The following TMCO5A variants were observed in gnomAD, a reference collection of about 807,000 sequenced individuals.
TMCO5A encodes transmembrane and coiled-coil domain-containing protein 5A.
In TMCO5A, 34 loss-of-function variants were observed where a neutral mutation model predicts 42.3. The ratio of observed to expected loss-of-function variants is 0.80; its 90% CI spans 0.61 to 1.07. The LOEUF is 1.07. TMCO5A is among the 50% of genes least tolerant of loss of function. TMCO5A has a pLI of 0.00. For missense variants in TMCO5A, 357 were observed against 327.9 expected (o/e 1.09, Z -0.69); for synonymous variants, 131 against 115.6 (o/e 1.13, Z -0.86).
intron 10 of TMCO5A, among the ~76,000 whole-genome samples, chr15:37,945,452 C>T (rs949063767): frequency 1.3e-5 from 2 of 152,122 alleles, no homozygotes; most frequent in African/African-American, 2.4e-5. Flanking sequence ...AATTGCCACA[C>T]TGTCTTCCAC....
rs1293936435 is a variant in TMCO5A at position 37,934,649 on chromosome 15, T to G, written c.-148T>G. The G allele has an allele frequency of 6.6e-6, 1 of 151,882 alleles. No individual in the cohort carries two copies. The highest frequency in any genetic ancestry group is 1.5e-5 in the Non-Finnish European group (1 of 67,984). The allele number at this position is 151,882 out of a possible 1,614,324, so 9.4% of individuals were successfully genotyped here. On this transcript the variant is annotated 5_prime_UTR_variant, in exon 1 of 12. Transcript: ENST00000319669. ...AAAGATTAGACTCCTCAGAAGCTAA[T>G]TGACTAGGGAAGGATCAGGAAGACA...
At chr15:38,007,872 C>CTT in the TMCO5A span, among the ~76,000 whole-genome samples, 55 of 47,406 alleles carry the variant, frequency 1.2e-3, 16 homozygotes, top group East Asian at 6.7e-3. Context: ...CTCACCCACA[C>CTT]TTTTTTTTTT....
the TMCO5A span, among the ~76,000 whole-genome samples, chr15:38,009,922 CA>C: frequency 6.6e-6 from 1 of 152,118 alleles, no homozygotes; most frequent in African/African-American, 2.4e-5. Flanking sequence ...AATGCCCCCC[CA>C]AAAATTATTC....
chr15:38,001,680 G>T, the TMCO5A span, among the ~76,000 whole-genome samples: 1 of 151,478 alleles, frequency 6.6e-6, no homozygotes, highest in African/African-American at 2.4e-5. Context: ...CATGTTTTTT[G>T]ATTTGAGGTT....
the TMCO5A span, among the ~76,000 whole-genome samples, chr15:38,023,188 C>A: frequency 9.9e-5 from 15 of 152,098 alleles, no homozygotes; most frequent in East Asian, 2.9e-3. Context: ...CAAAAATAGA[C>A]AAATTGATCA....
intron 8 of TMCO5A, 100 bp downstream of exon 8, chr15:37,941,830 G>A: frequency 2.0e-6 from 2 of 997,596 alleles, no homozygotes; most frequent in Non-Finnish European, 3.1e-6. Context: ...AATTTCAACA[G>A]TTCAAGGTGG....
At chr15:38,038,321 G>C in the TMCO5A span, among the ~76,000 whole-genome samples, 1 of 151,974 alleles carries the variant, frequency 6.6e-6, no homozygotes, top group Non-Finnish European at 1.5e-5. Context: ...AATATAAGGG[G>C]AACCACAGTT....
At chr15:37,964,116 C>T (rs1890499231) in intron 11 of TMCO5A, among the ~76,000 whole-genome samples, 1 of 152,116 alleles carries the variant, frequency 6.6e-6, no homozygotes, top group South Asian at 2.1e-4. Flanking sequence ...GGTTCCTTCT[C>T]ATTTGGGTAG....
chr15:37,952,539 C>T (rs1890186383), downstream of TMCO5A, among the ~76,000 whole-genome samples: 1 of 152,126 alleles, frequency 6.6e-6, no homozygotes, highest in Admixed American at 6.6e-5. Context: ...AACTGAAAAG[C>T]CTCTGGGCCC....
the TMCO5A span, among the ~76,000 whole-genome samples, chr15:38,038,694 C>T: frequency 6.6e-6 from 1 of 152,330 alleles, no homozygotes; most frequent in South Asian, 2.1e-4. Flanking sequence ...GCATAAGCCA[C>T]AACACCCGGC....
At chr15:37,985,857 T>TAGCTTTTCTTTCATATC in the TMCO5A span, among the ~76,000 whole-genome samples, 1 of 148,330 alleles carries the variant, frequency 6.7e-6, no homozygotes, top group Non-Finnish European at 1.5e-5. Context: ...TAATTCATAT[T>TAGCTTTTCTTTCATATC]AGCTTTTCTT....
chr15:37,965,703 A>G (rs1890539437), intron 11 of TMCO5A, among the ~76,000 whole-genome samples: 1 of 152,212 alleles, frequency 6.6e-6, no homozygotes, highest in Non-Finnish European at 1.5e-5. Context: ...CAAAACTACA[A>G]TGAGATATCA....
chr15:38,035,521 C>A, the TMCO5A span, among the ~76,000 whole-genome samples: 1 of 152,114 alleles, frequency 6.6e-6, no homozygotes, highest in African/African-American at 2.4e-5. Flanking sequence ...TTCTAGGGAG[C>A]AGAACTGCAT....
chr15:37,962,255 C>T (rs1890449108), intron 11 of TMCO5A, among the ~76,000 whole-genome samples: 1 of 151,988 alleles, frequency 6.6e-6, no homozygotes, highest in Admixed American at 6.6e-5. Flanking sequence ...TAAAGCGATG[C>T]TGTATTTTGT....
At chr15:38,010,421 G>A in the TMCO5A span, among the ~76,000 whole-genome samples, 1 of 46,650 alleles carries the variant, frequency 2.1e-5, no homozygotes, top group African/African-American at 1.1e-4. Flanking sequence ...GAGGCAGAGG[G>A]AGATCACACA....
the TMCO5A span, among the ~76,000 whole-genome samples, chr15:37,977,498 G>C: frequency 1.3e-5 from 2 of 152,322 alleles, no homozygotes; most frequent in African/African-American, 4.8e-5. Flanking sequence ...TGGTGTTGAA[G>C]TTTGGGTTCT....
chr15:38,000,689 A>G, the TMCO5A span, among the ~76,000 whole-genome samples: 4 of 151,878 alleles, frequency 2.6e-5, no homozygotes, highest in South Asian at 4.2e-4. Context: ...CTGTACCCTA[A>G]AAGTTTTATG....
the TMCO5A span, among the ~76,000 whole-genome samples, chr15:37,997,129 T>A: frequency 6.6e-6 from 1 of 152,126 alleles, no homozygotes; most frequent in South Asian, 2.1e-4. Context: ...TTGACAGTCA[T>A]AAGTTCTGGG....
chr15:37,981,855 A>G, the TMCO5A span, among the ~76,000 whole-genome samples: 2 of 152,184 alleles, frequency 1.3e-5, no homozygotes, highest in Non-Finnish European at 2.9e-5. Context: ...GAGACTGGCT[A>G]TAGATGCCAG....
Sources: allele counts gnomAD v4.1 joint callset (sites outside exome capture counted in the v4.1 genomes callset), GRCh38; gene constraint gnomAD v4.1.1; transcripts MANE v1.5; gene names NCBI Gene and HGNC (gene_info 2026-07-23, HGNC 2026-07-21).